The following BICC1 variants were observed in gnomAD, a reference collection of about 807,000 sequenced individuals.
BICC1 encodes BicC family RNA binding protein 1.
BICC1 carries 43 observed loss-of-function variants against 111.0 expected under a neutral mutation model. The ratio of observed to expected loss-of-function variants is 0.39; its 90% CI spans 0.30 to 0.50. BICC1 has a LOEUF of 0.50. BICC1 is among the 20% of genes least tolerant of loss of function. The pLI is 0.88. For missense variants in BICC1, 1,091 were observed against 1,203.2 expected (o/e 0.91, Z 1.38); for synonymous variants, 467 against 434.4 (o/e 1.07, Z -0.93).
intron 1 of BICC1, among the ~76,000 whole-genome samples, chr10:58,592,379 G>A (rs150651694): frequency 6.6e-6 from 1 of 152,230 alleles, no homozygotes; most frequent in East Asian, 1.9e-4. Flanking sequence ...CTATGACATT[G>A]TTTTTGTTTC....
At chr10:58,703,099 T>G (rs1163335276) in intron 3 of BICC1, among the ~76,000 whole-genome samples, 3 of 152,132 alleles carry the variant, frequency 2.0e-5, no homozygotes, top group Non-Finnish European at 4.4e-5. Flanking sequence ...ATTTTAGTTA[T>G]TTAGTGAGTG....
At chr10:58,607,115 G>A (rs2132092221) in intron 1 of BICC1, among the ~76,000 whole-genome samples, 1 of 152,172 alleles carries the variant, frequency 6.6e-6, no homozygotes, top group South Asian at 2.1e-4. Context: ...TTGGGAGTTT[G>A]CGACCAGCCT....
intron 14 of BICC1, among the ~76,000 whole-genome samples, chr10:58,802,340 G>A (rs748627750): frequency 6.6e-6 from 1 of 152,036 alleles, no homozygotes. Context: ...AAATTCCCTT[G>A]GCACAGCAGC....
At chr10:58,541,745 C>CA (rs1160788836) in intron 1 of BICC1, among the ~76,000 whole-genome samples, 1 of 151,790 alleles carries the variant, frequency 6.6e-6, no homozygotes, top group African/African-American at 2.4e-5. Flanking sequence ...CCAGAAAAGC[C>CA]AAAAAAGTCT....
intron 3 of BICC1, among the ~76,000 whole-genome samples, chr10:58,754,978 G>GT (rs900178450): frequency 6.6e-6 from 1 of 152,170 alleles, no homozygotes; most frequent in Non-Finnish European, 1.5e-5. Flanking sequence ...TACCAGATGA[G>GT]TTACAGTATG....
chr10:58,679,751 C>G (rs534193781), intron 2 of BICC1, among the ~76,000 whole-genome samples: 1 of 152,082 alleles, frequency 6.6e-6, no homozygotes, highest in Non-Finnish European at 1.5e-5. Flanking sequence ...AATTTCAGGC[C>G]GGTACCCCTG....
intron 2 of BICC1, among the ~76,000 whole-genome samples, chr10:58,685,291 T>C (rs1839681364): frequency 6.6e-6 from 1 of 152,206 alleles, no homozygotes; most frequent in Admixed American, 6.5e-5. Flanking sequence ...TACTTCCAAC[T>C]GTGTGGTCAG....
chr10:58,738,185 T>A (rs980697021), intron 3 of BICC1, among the ~76,000 whole-genome samples: 1 of 152,214 alleles, frequency 6.6e-6, no homozygotes, highest in African/African-American at 2.4e-5. Context: ...CTGAATGGTA[T>A]TGCCTAGGTT....
intron 3 of BICC1, among the ~76,000 whole-genome samples, chr10:58,716,893 A>T (rs1840762535): frequency 6.6e-6 from 1 of 151,354 alleles, no homozygotes; most frequent in Admixed American, 6.6e-5. Context: ...AGAGCTGGCT[A>T]CCAGCAGTCT....
At chr10:58,645,591 A>G (rs922305744) in intron 2 of BICC1, among the ~76,000 whole-genome samples, 5 of 152,094 alleles carry the variant, frequency 3.3e-5, no homozygotes, top group African/African-American at 4.8e-5. Context: ...TGGTTTCTCC[A>G]TTTATATTTT....
intron 1 of BICC1, among the ~76,000 whole-genome samples, chr10:58,604,075 T>G (rs1263872332): frequency 6.6e-6 from 1 of 152,166 alleles, no homozygotes; most frequent in Non-Finnish European, 1.5e-5. Flanking sequence ...TGGCCTTTCT[T>G]TGCTTCTGCT....
At chr10:58,764,456 G>C (rs531980602) in intron 3 of BICC1, among the ~76,000 whole-genome samples, 3 of 152,218 alleles carry the variant, frequency 2.0e-5, no homozygotes, top group Non-Finnish European at 4.4e-5. Context: ...TTCACTTGTG[G>C]ATGAAAAAGC....
At chr10:58,662,008 A>G (rs374840672) in intron 2 of BICC1, among the ~76,000 whole-genome samples, 105 of 152,200 alleles carry the variant, frequency 6.9e-4, no homozygotes, top group Non-Finnish European at 1.2e-3. Context: ...AAAATGTTCC[A>G]TCTCTTATGT....
chr10:58,563,006 G>A (rs1589101071), intron 1 of BICC1, among the ~76,000 whole-genome samples: 1 of 152,136 alleles, frequency 6.6e-6, no homozygotes, highest in East Asian at 1.9e-4. Context: ...GGTCTTGAGG[G>A]TAGTCTCCTC....
chr10:58,676,156 A>T (rs1463230108), intron 2 of BICC1, among the ~76,000 whole-genome samples: 1 of 152,120 alleles, frequency 6.6e-6, no homozygotes, highest in African/African-American at 2.4e-5. Flanking sequence ...TAGGGTGCCT[A>T]CACCACCAGG....
intron 2 of BICC1, among the ~76,000 whole-genome samples, chr10:58,694,057 C>T (rs1007476972): frequency 6.6e-6 from 1 of 152,130 alleles, no homozygotes; most frequent in Non-Finnish European, 1.5e-5. Context: ...TGTATCTTCA[C>T]TAAGTTCCTA....
chr10:58,815,165 G>A (rs1380854033), intron 18 of BICC1, among the ~76,000 whole-genome samples: 1 of 152,110 alleles, frequency 6.6e-6, no homozygotes, highest in African/African-American at 2.4e-5. Context: ...ACTCCTTGAA[G>A]CTAGGCAATC....
chr10:58,612,850 A>C (rs1845476703), intron 1 of BICC1, among the ~76,000 whole-genome samples: 1 of 152,222 alleles, frequency 6.6e-6, no homozygotes, highest in African/African-American at 2.4e-5. Flanking sequence ...AAGCATTTCA[A>C]AATGAAAAGG....
At chr10:58,551,129 T>TCC (rs149466808) in intron 1 of BICC1, among the ~76,000 whole-genome samples, 266 of 152,264 alleles carry the variant, frequency 1.7e-3, no homozygotes, top group Admixed American at 5.0e-3. Flanking sequence ...TCATAAAAGT[T>TCC]CATAAAAGCA....
Sources: gnomAD v4.1 joint callset for allele counts (sites outside exome capture counted in the v4.1 genomes callset) on GRCh38, gnomAD v4.1.1 for gene constraint, MANE v1.5 for transcripts, NCBI Gene and HGNC (gene_info 2026-07-23, HGNC 2026-07-21) for gene names.